Variants in ABCC4 observed in about 807,000 individuals in gnomAD.
ABCC4 encodes ATP-binding cassette sub-family C member 4.
A neutral mutation model predicts 168.5 loss-of-function variants in ABCC4; 102 were observed. That is an observed-to-expected ratio of 0.61 (90% confidence interval 0.52 to 0.71). The LOEUF (loss-of-function observed/expected upper bound fraction) is 0.71, where lower values mean the gene tolerates loss of function less well. Ranked by LOEUF, ABCC4 falls within the 30% of genes least tolerant of loss-of-function variation. The probability of loss-of-function intolerance (pLI) is 0.00; values close to 1 mark genes in which losing one functional copy is unlikely to be tolerated. For synonymous variants in ABCC4, 617 were observed against 590.7 expected (o/e 1.04, Z -0.65); for missense variants, 1,402 against 1,605.8 (o/e 0.87, Z 2.17).
chr13:95,190,485 T>C (rs2038219242), intron 9 of ABCC4, among the ~76,000 whole-genome samples: 1 of 152,230 alleles, frequency 6.6e-6, no homozygotes, highest in Non-Finnish European at 1.5e-5. Flanking sequence ...AGGGATAGTT[T>C]ACCAGAGCAT....
chr13:95,243,757 T>G (rs1229494683), intron 3 of ABCC4, among the ~76,000 whole-genome samples: 1 of 151,904 alleles, frequency 6.6e-6, no homozygotes, highest in Non-Finnish European at 1.5e-5. Flanking sequence ...GCATGGTGCA[T>G]GCCTATAGTC....
chr13:95,243,069 A>C (rs969519152), intron 3 of ABCC4, among the ~76,000 whole-genome samples: 3 of 152,210 alleles, frequency 2.0e-5, no homozygotes, highest in Admixed American at 6.5e-5. Context: ...ACCATAAACC[A>C]CCAAGATATT....
intron 1 of ABCC4, among the ~76,000 whole-genome samples, chr13:95,263,342 T>C (rs1055154098): frequency 2.6e-5 from 4 of 152,234 alleles, no homozygotes; most frequent in Admixed American, 6.5e-5. Flanking sequence ...CAGTATTCAC[T>C]AGTCCTGTGT....
chr13:95,157,996 C>G (rs376937041), intron 19 of ABCC4, among the ~76,000 whole-genome samples: 1 of 150,540 alleles, frequency 6.6e-6, no homozygotes, highest in East Asian at 2.0e-4. Context: ...GGCATGAACC[C>G]AGGAGGCAGA....
At chr13:95,052,044 G>A (rs888304737) in intron 27 of ABCC4, among the ~76,000 whole-genome samples, 4 of 147,716 alleles carry the variant, frequency 2.7e-5, no homozygotes, top group Non-Finnish European at 4.5e-5. Flanking sequence ...GCAGTGGCAC[G>A]ATCTCGGCTC....
At chr13:95,060,374 C>A (rs1335535199) in intron 26 of ABCC4, among the ~76,000 whole-genome samples, 1 of 152,202 alleles carries the variant, frequency 6.6e-6, no homozygotes, top group Non-Finnish European at 1.5e-5. Context: ...ACTGGCAGAG[C>A]CAAGAATCAT....
At chr13:95,055,374 T>C (rs1171146423) in intron 26 of ABCC4, among the ~76,000 whole-genome samples, 1 of 152,232 alleles carries the variant, frequency 6.6e-6, no homozygotes, top group East Asian at 1.9e-4. Flanking sequence ...TAAGTACATA[T>C]TTATTGATGG....
chr13:95,174,736 G>A (rs1213188659), intron 13 of ABCC4, among the ~76,000 whole-genome samples: 1 of 152,162 alleles, frequency 6.6e-6, no homozygotes, highest in Non-Finnish European at 1.5e-5. Context: ...AACTGGTGGG[G>A]CCTCGCGCAA....
chr13:95,176,200 T>G (rs1211567451), intron 13 of ABCC4, among the ~76,000 whole-genome samples: 2 of 111,400 alleles, frequency 1.8e-5, no homozygotes, highest in African/African-American at 7.1e-5. Context: ...ACCTGTAATC[T>G]CAGCACTCCA....
intron 19 of ABCC4, among the ~76,000 whole-genome samples, chr13:95,151,678 C>G (rs1169684574): frequency 1.3e-5 from 2 of 152,046 alleles, no homozygotes; most frequent in African/African-American, 4.8e-5. Flanking sequence ...TCATCATCCA[C>G]TGTCGGCAAC....
chr13:95,131,978 G>A lies in ABCC4; in HGVS notation c.2456-15977C>T, dbSNP rs114682108. Among the ~76,000 whole-genome samples the A allele has an allele frequency of 4.7e-3, 709 of 152,218 alleles. 5 individuals are homozygous for A. Among genetic ancestry groups the A allele is most frequent in the African/African-American group, 0.016 (657 of 41,544 alleles). On this transcript the variant is annotated intron_variant, in intron 19 of 30. Transcript: ENST00000645237. The stretch of plus-strand genomic sequence containing the variant: ...ATACACAACAGAAGAGACTACGGGG[G>A]TCTAAAAGAGATATGCGCACACTCA...
chr13:95,212,925 C>T (rs868629742), intron 4 of ABCC4, among the ~76,000 whole-genome samples: 1 of 151,880 alleles, frequency 6.6e-6, no homozygotes, highest in African/African-American at 2.4e-5. Flanking sequence ...GTCGGGAGTT[C>T]GAGACCAGCC....
intron 19 of ABCC4, among the ~76,000 whole-genome samples, chr13:95,144,736 G>C (rs1160476250): frequency 6.6e-6 from 1 of 151,678 alleles, no homozygotes; most frequent in African/African-American, 2.4e-5. Context: ...AAAAATCAGA[G>C]ACTACACAAA....
chr13:95,293,953 C>A lies in ABCC4; in HGVS notation c.74+7288G>T, dbSNP rs2041464816. Among the ~76,000 whole-genome samples, 3 of 151,914 alleles carry A rather than the reference C, an allele frequency of 2.0e-5. No individual in the cohort carries two copies. The South Asian group carries it at 6.2e-4, about 32-fold the overall frequency. On this transcript the variant is annotated intron_variant, in intron 1 of 30. Transcript: ENST00000645237. ...TGCCACCATGAAAGAAGGCAGGGTG[C>A]CTTCTTTCTTGCCAGGTGCAAATCC...
intron 20 of ABCC4, among the ~76,000 whole-genome samples, chr13:95,088,046 G>A (rs1331484265): frequency 6.6e-6 from 1 of 152,088 alleles, no homozygotes; most frequent in Non-Finnish European, 1.5e-5. Context: ...TTGACATCCA[G>A]CGCTGGTACC....
chr13:95,129,072 T>G (rs2035875755), intron 19 of ABCC4, among the ~76,000 whole-genome samples: 2 of 152,200 alleles, frequency 1.3e-5, no homozygotes, highest in Admixed American at 1.3e-4. Context: ...CATTGTAGAT[T>G]TGAATCTGAA....
intron 10 of ABCC4, among the ~76,000 whole-genome samples, chr13:95,187,683 A>C (rs994372448): frequency 2.6e-5 from 4 of 152,188 alleles, no homozygotes; most frequent in Non-Finnish European, 5.9e-5. Flanking sequence ...ACTAGGAAGG[A>C]CTTTTATTTT....
chr13:95,172,829 G>A (rs2037526035), intron 13 of ABCC4, among the ~76,000 whole-genome samples: 1 of 152,018 alleles, frequency 6.6e-6, no homozygotes, highest in South Asian at 2.1e-4. Context: ...CTACTCGGGA[G>A]GATCACTTGA....
intron 20 of ABCC4, among the ~76,000 whole-genome samples, chr13:95,094,574 A>G (rs560777420): frequency 1.1e-4 from 16 of 152,346 alleles, no homozygotes; most frequent in Non-Finnish European, 1.9e-4. Context: ...ATTCTAGAAG[A>G]TAACATTGGA....
Sources: gnomAD v4.1 joint callset for allele counts (sites outside exome capture counted in the v4.1 genomes callset) on GRCh38, gnomAD v4.1.1 for gene constraint, MANE v1.5 for transcripts, NCBI Gene and HGNC (gene_info 2026-07-23, HGNC 2026-07-21) for gene names.